Variants in GNAS observed in about 807,000 individuals in gnomAD.
GNAS encodes the protein protein ALEX.
In GNAS, 8 loss-of-function variants were observed where a neutral mutation model predicts 54.5. The ratio of observed to expected loss-of-function variants is 0.15; its 90% CI spans 0.09 to 0.26. GNAS has a LOEUF of 0.26. GNAS is among the 10% of genes least tolerant of loss of function. GNAS has a pLI of 1.00. For missense variants in GNAS, 170 were observed against 529.8 expected (o/e 0.32, Z 6.67); for synonymous variants, 204 against 191.4 (o/e 1.07, Z -0.54).
chr20:58,905,567 C>T, intron 6 of GNAS, 87 bp downstream of exon 6: 1 of 815,850 alleles, frequency 1.2e-6, no homozygotes, highest in Non-Finnish European at 2.2e-6. Context: ...TTGAAAGTTA[C>T]TTGTTGATGA....
Position 58,892,212 on chromosome 20 carries a change from G to T in GNAS, c.139+347G>T, listed in dbSNP as rs2089486071. 1.1e-5 allele frequency: 11 copies of T among 976,792 alleles called. No homozygotes were observed. The South Asian group carries it at 3.8e-4, about 34-fold the overall frequency. 60.5% of individuals were successfully genotyped at this position (976,792 alleles called of 1,614,324 possible). A position where few individuals can be genotyped will look rare whatever the true frequency, so the allele number is the denominator to read the frequency against. On this transcript the variant is annotated intron_variant, in intron 1 of 12. Transcript: ENST00000371085. ...CCTACACGACGCCAGGGGTTTGGGTGCGTGTTGGGGAGGGGGAGGGGGAGC... is the reference window on the plus strand; with the variant it reads ...CCTACACGACGCCAGGGGTTTGGGTTCGTGTTGGGGAGGGGGAGGGGGAGC...
chr20:58,899,708 ACGCACACACAGCCACACGCGCCG>A (rs897302472), intron 3 of GNAS, among the ~76,000 whole-genome samples: 11 of 151,492 alleles, frequency 7.3e-5, no homozygotes, highest in African/African-American at 2.4e-4. Context: ...CACACATCAC[ACGCACACACAGCCACACGCGCCG>A]CGCACACACA....
intron 1 of GNAS, among the ~76,000 whole-genome samples, chr20:58,851,201 A>G (rs1474353313): frequency 6.6e-6 from 1 of 152,206 alleles, no homozygotes; most frequent in Non-Finnish European, 1.5e-5. Flanking sequence ...CCAGGGTCCA[A>G]CTGTGTTCGC....
intron 1 of GNAS, among the ~76,000 whole-genome samples, chr20:58,877,744 T>G (rs1373113200): frequency 5.3e-5 from 8 of 152,246 alleles, no homozygotes; most frequent in Non-Finnish European, 7.3e-5. Context: ...GCGCTGTCAC[T>G]GACTTCCCAC....
intron 5 of GNAS, among the ~76,000 whole-genome samples, chr20:58,904,762 A>G (rs575248933): frequency 5.3e-5 from 8 of 151,990 alleles, no homozygotes; most frequent in East Asian, 1.9e-4. Context: ...CATTATTTTG[A>G]AAAAAAAGCA....
At chr20:58,855,157 C>T in intron 1 of GNAS, 1 of 1,612,464 alleles carries the variant, frequency 6.2e-7, no homozygotes, top group Non-Finnish European at 8.5e-7. Context: ...CCCAAAGCCT[C>T]GCGCTCTCTC....
intron 1 of GNAS, among the ~76,000 whole-genome samples, chr20:58,867,734 G>A (rs538902984): frequency 6.6e-6 from 1 of 152,304 alleles, no homozygotes; most frequent in South Asian, 2.1e-4. Context: ...GCCCCATTTA[G>A]GAATGATTCT....
At position 58,909,432 on chromosome 20, in the gene GNAS, A is replaced by G. The variant is rs2146273167; in HGVS notation, c.659+9A>G. The G allele has an allele frequency of 8.7e-6, 14 of 1,611,588 alleles. No individual in the cohort carries two copies. The highest frequency in any genetic ancestry group is 1.3e-5 in the African/African-American group (1 of 74,908). ...GACAAAGTCAACTTCCAGTAAGCCA[A>G]CTGTTACCTTTTTATATAACAGAGA... On this transcript the variant is annotated intron_variant, in intron 8 of 12. Transcript: ENST00000371085. This position sits in a 1 kb window ranked among gnomAD's most constrained non-coding sequence, Gnocchi z 7.3.
In GNAS at chr20:58,902,725, C is replaced by CTTTTTTTTTTTTTTTTTTT. The variant is rs60022134; in HGVS notation, c.258-796_258-778dup. ...AGTGCCTGGAGCATCGCACATACGA[C>CTTTTTTTTTTTTTTTTTTT]TTTTTTTTTTTTTTTTTTTTTTTTT... On this transcript the variant is annotated intron_variant, in intron 3 of 12. Transcript: ENST00000371085. 1.6e-4 allele frequency among the ~76,000 whole-genome samples: 11 copies of CTTTTTTTTTTTTTTTTTTT among 69,508 alleles called. 1 individual carries two copies. The highest frequency in any genetic ancestry group is 7.3e-4 in the African/African-American group (11 of 15,014). 45.6% of individuals were successfully genotyped at this position (69,508 alleles called of 152,430 possible). A position where few individuals can be genotyped will look rare whatever the true frequency, so the allele number is the denominator to read the frequency against.
rs575827601 is a variant in GNAS at position 58,863,131 on chromosome 20, T to G, written c.43+22245T>G. 1.3e-5 allele frequency among the ~76,000 whole-genome samples: 2 copies of G among 152,308 alleles called. No homozygotes were observed. The highest frequency in any genetic ancestry group is 3.9e-4 in the East Asian group (2 of 5,186). On this transcript the variant is annotated intron_variant, in intron 1 of 12. Coordinates refer to the GNAS transcript ENST00000306090. The surrounding 1 kb of genome is among the most constrained non-coding windows in gnomAD (Gnocchi z 4.1). The stretch of plus-strand genomic sequence containing the variant: ...ACTTTTCATTATGTTGATCGTCACA[T>G]GCTCTTTGAGCACACACGAGTCACA...
intron 1 of GNAS, among the ~76,000 whole-genome samples, chr20:58,868,034 T>A (rs1176603022): frequency 2.0e-5 from 3 of 151,314 alleles, no homozygotes; most frequent in African/African-American, 4.9e-5. Flanking sequence ...TTTTTTTTTT[T>A]TTTTGAGATG....
chr20:58,892,137 C>A, intron 1 of GNAS: 2 of 951,996 alleles, frequency 2.1e-6, no homozygotes, highest in Non-Finnish European at 2.5e-6. Context: ...CTCTCTTGCT[C>A]TCGCTCTCGC....
chr20:58,855,022 C>T (rs747926163), intron 1 of GNAS: 1 of 1,612,646 alleles, frequency 6.2e-7, no homozygotes, highest in African/African-American at 1.3e-5. Flanking sequence ...GATGGGACCT[C>T]CGGATGCCTC....
At chr20:58,899,747 A>G (rs2090438939) in intron 3 of GNAS, among the ~76,000 whole-genome samples, 1 of 152,090 alleles carries the variant, frequency 6.6e-6, no homozygotes, top group South Asian at 2.1e-4. Context: ...ACACACACGC[A>G]TGCCAGGTAA....
intron 3 of GNAS, chr20:58,900,341 A>T (rs557837179): frequency 6.9e-5 from 18 of 259,520 alleles, no homozygotes; most frequent in Non-Finnish European, 1.3e-4. Context: ...CGTCTCTCTC[A>T]CTCTGTTCTG....
intron 1 of GNAS, chr20:58,883,006 C>G (rs1420711335): frequency 6.6e-6 from 1 of 152,002 alleles, no homozygotes; most frequent in African/African-American, 2.4e-5. Context: ...TCATCATCAG[C>G]AAATCTTAAT....
chr20:58,901,926 C>G lies in GNAS; in HGVS notation c.258-1605C>G, dbSNP rs948544827. 2.0e-5 allele frequency among the ~76,000 whole-genome samples: 3 copies of G among 149,932 alleles called. No homozygotes were observed. The South Asian group carries it at 6.3e-4, about 31-fold the overall frequency. ...GCTAATTAACCTCCCTTCGCCTTTC[C>G]TCTGCCTTAACTGTCGTGTTCTAGT... On this transcript the variant is annotated intron_variant, in intron 3 of 12. Transcript: ENST00000371085.
chr20:58,875,123 T>G (rs2145740734), intron 1 of GNAS, among the ~76,000 whole-genome samples: 1 of 152,342 alleles, frequency 6.6e-6, no homozygotes, highest in Admixed American at 6.5e-5. Context: ...CTGAAAGAAC[T>G]CTCAGGTGAA....
chr20:58,877,161 G>A (rs80156142), intron 1 of GNAS, among the ~76,000 whole-genome samples: 7,670 of 148,798 alleles, frequency 0.052, 258 homozygotes, highest in Non-Finnish European at 0.071. Context: ...TTTTTTTTCC[G>A]GTTTTTACAG....
Sources: gnomAD v4.1 joint callset for allele counts (sites outside exome capture counted in the v4.1 genomes callset) on GRCh38, gnomAD v4.1.1 for gene constraint, Gnocchi (gnomAD v3.1) non-coding constraint, MANE v1.5 for transcripts, NCBI Gene and HGNC (gene_info 2026-07-23, HGNC 2026-07-21) for gene names.